The following PAPLN variants were observed in gnomAD, a reference collection of about 807,000 sequenced individuals.
PAPLN encodes papilin.
In PAPLN, 146 loss-of-function variants were observed where a neutral mutation model predicts 159.0. That is an observed-to-expected ratio of 0.92 (90% CI 0.80 to 1.05). The LOEUF (loss-of-function observed/expected upper bound fraction) is 1.05, where lower values mean the gene tolerates loss of function less well. PAPLN is among the 50% of genes least tolerant of loss of function. The pLI, the probability that PAPLN is intolerant of heterozygous loss-of-function variation, is 0.00. For missense variants in PAPLN, 1,720 were observed against 1,743.9 expected, an observed-to-expected ratio of 0.99 and a Z score of 0.24; for synonymous variants, 734 against 702.9, an observed-to-expected ratio of 1.04 and a Z score of -0.70.
Position 73,246,287 on chromosome 14 carries a change from A to G in PAPLN, c.334+112A>G, listed in dbSNP as rs1884312345. The stretch of plus-strand genomic sequence containing the variant: ...TGTCATATATATATATATTAGAGAC[A>G]GTCTCACTGTGTTGCCCAGGCTGGT... On this transcript the variant is annotated intron_variant, in intron 5 of 26. Transcript: ENST00000644200. The G allele has an allele frequency of 6.4e-6, 6 of 936,208 alleles. No homozygotes were observed. The East Asian group carries it at 1.7e-4, about 26-fold the overall frequency. 58.0% of individuals were successfully genotyped at this position (936,208 alleles called of 1,614,324 possible).
At chr14:73,263,091 C>T (rs576132264) in intron 19 of PAPLN, 6 of 405,136 alleles carry the variant, frequency 1.5e-5, no homozygotes, top group Non-Finnish European at 2.6e-5. Flanking sequence ...CGCCAGTATA[C>T]CCCGGGGCCT....
chr14:73,260,365 C>A (rs918380880), intron 16 of PAPLN, among the ~76,000 whole-genome samples: 2 of 152,186 alleles, frequency 1.3e-5, no homozygotes, highest in Admixed American at 1.3e-4. Flanking sequence ...CCATCTGCTG[C>A]TGTTTTGTAA....
At chr14:73,240,036 C>G (rs1199161689) in intron 2 of PAPLN, among the ~76,000 whole-genome samples, 1 of 152,222 alleles carries the variant, frequency 6.6e-6, no homozygotes, top group Non-Finnish European at 1.5e-5. Flanking sequence ...ACTGCCCGCC[C>G]GGCTGCAGGG....
At chr14:73,236,849 AG>A (rs1446794842), upstream of PAPLN, among the ~76,000 whole-genome samples, 3 of 144,638 alleles carry the variant, frequency 2.1e-5, no homozygotes, top group East Asian at 5.8e-4. Context: ...GGAGGAAAGT[AG>A]AAAGAAAGAA....
At chr14:73,252,796 C>T in intron 11 of PAPLN, 21 bp downstream of exon 11, 1 of 1,612,486 alleles carries the variant, frequency 6.2e-7, no homozygotes, top group Non-Finnish European at 8.5e-7. Flanking sequence ...GCCAGCCCCT[C>T]TACCCATGAT....
intron 19 of PAPLN, chr14:73,263,369 C>T (rs1036845205): frequency 1.1e-5 from 6 of 553,236 alleles, no homozygotes; most frequent in African/African-American, 1.9e-5. Context: ...CCGTCCCTCC[C>T]GACCTCTCCC....
chr14:73,250,208 C>T, intron 6 of PAPLN, 94 bp downstream of exon 6: 2 of 1,417,780 alleles, frequency 1.4e-6, no homozygotes, highest in Non-Finnish European at 1.8e-6. Flanking sequence ...CAGGTAGCTG[C>T]CATGAGCTTG....
intron 6 of PAPLN, 106 bp from the exon 7 acceptor site, chr14:73,250,801 C>T (rs770027779): frequency 1.9e-5 from 26 of 1,371,328 alleles, no homozygotes; most frequent in Non-Finnish European, 1.9e-5. Context: ...CCCGACCACC[C>T]TATCCTGCCT....
chr14:73,254,982 G>A lies in PAPLN; in HGVS notation c.1591G>A (p.Glu531Lys). 6.2e-7 allele frequency: 1 copy of A among 1,613,794 alleles called. No individual in the cohort carries two copies. The highest frequency in any genetic ancestry group is 8.5e-7 in the Non-Finnish European group (1 of 1,179,958). ...SLQHSKPVDV[E>K]PCNTQPCHLP... Reference sequence around the variant, plus strand: ...GCAGCACTCCAAGCCTGTGGATGTGGAGCCTTGTAACACGCAGCCCTGTCA... The same window carrying A: ...GCAGCACTCCAAGCCTGTGGATGTGAAGCCTTGTAACACGCAGCCCTGTCA... Residue 531 changes from glutamate to lysine, a missense_variant, in exon 14 of 27, where the codon GAG becomes AAG. Physicochemically the swap from Glu to Lys is moderately conservative, Grantham distance 56 (BLOSUM62 1). Coordinates refer to ENST00000644200, the MANE Select transcript of PAPLN (RefSeq NM_001365906.3).
At chr14:73,267,067 G>C (rs997260650) in intron 25 of PAPLN, among the ~76,000 whole-genome samples, 7 of 152,190 alleles carry the variant, frequency 4.6e-5, no homozygotes, top group African/African-American at 1.7e-4. Context: ...ACTGCTGACA[G>C]TTTGGAGCTG....
Position 73,266,769 on chromosome 14 carries a change from G to A in PAPLN, c.3438G>A (p.Glu1146=). 6.2e-7 allele frequency: 1 copy of A among 1,614,024 alleles called. No individual in the cohort carries two copies. Among genetic ancestry groups the A allele is most frequent in the Non-Finnish European group, 8.5e-7 (1 of 1,179,938 alleles). ...SGLPPTVTVP[E]GDTARLLCVV... Reference sequence around the variant, plus strand: ...TGCCCCCTACTGTGACAGTGCCAGAGGGTGATACGGCCAGGCTATTGTGTG... The same window carrying A: ...TGCCCCCTACTGTGACAGTGCCAGAAGGTGATACGGCCAGGCTATTGTGTG... Residue 1146 remains glutamate, a synonymous_variant, in exon 25 of 27, where the codon GAG becomes GAA. Coordinates refer to ENST00000644200, the MANE Select transcript of PAPLN (RefSeq NM_001365906.3).
Position 73,252,157 on chromosome 14 carries a change from G to C in PAPLN, c.967+16G>C. 1 of 1,581,830 alleles carries C rather than the reference G, an allele frequency of 6.3e-7. No homozygotes were observed. Among genetic ancestry groups the C allele is most frequent in the Non-Finnish European group, 8.6e-7 (1 of 1,163,332 alleles). The stretch of plus-strand genomic sequence containing the variant: ...TGTGGCGGAGGTGCGGGCGTGGATG[G>C]CCCAGGGGAGGGCATGGGCCCTGTG... On this transcript the variant is annotated intron_variant, in intron 10 of 26. Coordinates refer to ENST00000644200, the MANE Select transcript of PAPLN (RefSeq NM_001365906.3).
At position 73,253,896 on chromosome 14, in the gene PAPLN, C is replaced by A. The variant is rs146030488; in HGVS notation, c.1237C>A (p.Pro413Thr). Residue 413 changes from proline to threonine, a missense_variant, in exon 12 of 27, where the codon CCC (proline) becomes ACC (threonine). Pro to Thr is a conservative substitution (Grantham distance 38). Coordinates refer to ENST00000644200, the MANE Select transcript of PAPLN (RefSeq NM_001365906.3). Reference protein sequence around the residue: ...EAECAGLPGKPPAIQACNLQR... With the variant: ...EAECAGLPGKTPAIQACNLQR... The stretch of plus-strand genomic sequence containing the variant: ...TGAGTGTGCCGGGCTGCCTGGGAAG[C>A]CCCCTGCCATTCAGGCCTGTAACCT... 4.0e-3 allele frequency: 6,395 copies of A among 1,613,330 alleles called. 15 individuals are homozygous for A. The highest frequency in any genetic ancestry group is 4.9e-3 in the Non-Finnish European group (5,779 of 1,179,914).
rs373053194 is a variant in PAPLN at position 73,272,535 on chromosome 14, C to T, written c.3708C>T (p.Val1236=). The T allele has an allele frequency of 6.2e-5, 99 of 1,585,828 alleles. No individual in the cohort carries two copies. The highest frequency in any genetic ancestry group is 3.5e-4 in the Admixed American group (21 of 59,278). ...CCAGGGACCCTGGCAGGGACTGCGTCGACCAGCCAGAGCTGGCCAACTGTG... is the reference window on the plus strand; with the variant it reads ...CCAGGGACCCTGGCAGGGACTGCGTTGACCAGCCAGAGCTGGCCAACTGTG... ...AQPRDPGRDC[V]DQPELANCDL... Residue 1236 remains valine, a synonymous_variant, in exon 27 of 27, where the codon GTC becomes GTT. Transcript: ENST00000644200.
At position 73,239,896 on chromosome 14, in the gene PAPLN, G is replaced by A. The variant is rs139585969; in HGVS notation, c.54+64G>A. On this transcript the variant is annotated intron_variant, in intron 2 of 26. Coordinates refer to ENST00000644200, the MANE Select transcript of PAPLN (RefSeq NM_001365906.3). Reference sequence around the variant, plus strand: ...AGGGGAGTCGGGGGCGGGGACGCGCGGGCCCGCAGGCAACGTCCCCAGGAA... The same window carrying A: ...AGGGGAGTCGGGGGCGGGGACGCGCAGGCCCGCAGGCAACGTCCCCAGGAA... 3.5e-3 allele frequency: 5,135 copies of A among 1,486,660 alleles called. 152 individuals are homozygous for A. In the African/African-American group the frequency reaches 0.067, roughly 20 times the overall value. 92.1% of individuals were successfully genotyped at this position (1,486,660 alleles called of 1,614,324 possible). A position where few individuals can be genotyped will look rare whatever the true frequency, so the allele number is the denominator to read the frequency against.
chr14:73,272,448 T>A (rs769019880), intron 26 of PAPLN, 47 bp from the exon 27 acceptor site: 1 of 1,436,962 alleles, frequency 7.0e-7, no homozygotes, highest in Non-Finnish European at 9.3e-7. Context: ...ATTTTCAGCA[T>A]ACACAGAGCT....
intron 26 of PAPLN, 148 bp downstream of exon 26, chr14:73,268,871 T>C: frequency 1.0e-6 from 1 of 1,003,224 alleles, no homozygotes; most frequent in South Asian, 1.8e-5. Context: ...GGCAAGGGGC[T>C]TACCTTCCTG....
chr14:73,236,771 T>C (rs1419793841), upstream of PAPLN, among the ~76,000 whole-genome samples: 1 of 148,078 alleles, frequency 6.8e-6, no homozygotes, highest in African/African-American at 2.5e-5. Flanking sequence ...AGCCAAGATC[T>C]AGCCATTGCT....
In PAPLN at chr14:73,272,683, GC is replaced by G. The variant is rs754589209; in HGVS notation, c.*23del. ...GCAGTAGGGATGAAGGCTAGTTCCAGCCCCAGTCCAAAATAGTTCATAGGGC... is the reference window on the plus strand; with the variant it reads ...GCAGTAGGGATGAAGGCTAGTTCCAGCCCAGTCCAAAATAGTTCATAGGGC... On this transcript the variant is annotated 3_prime_UTR_variant, in exon 27 of 27. Coordinates refer to ENST00000644200, the MANE Select transcript of PAPLN (RefSeq NM_001365906.3). 16 of 1,538,196 alleles carry G rather than the reference GC, an allele frequency of 1.0e-5. No individual in the cohort carries two copies. In the South Asian group the frequency reaches 1.9e-4, roughly 19 times the overall value.
Sources: gnomAD v4.1 joint callset for allele counts (sites outside exome capture counted in the v4.1 genomes callset) on GRCh38, gnomAD v4.1.1 for gene constraint, MANE v1.5 for transcripts, NCBI Gene and HGNC (gene_info 2026-07-23, HGNC 2026-07-21) for gene names.